EXOC4: variants seen among roughly 807,000 people sequenced by gnomAD.
The protein encoded by EXOC4 is exocyst complex component 4.
In EXOC4, 71 loss-of-function variants were observed where a neutral mutation model predicts 107.2. That is an observed-to-expected ratio of 0.66 (90% CI 0.55 to 0.81). The LOEUF (loss-of-function observed/expected upper bound fraction) is 0.81. EXOC4 is among the 30% of genes least tolerant of loss of function. The probability of loss-of-function intolerance (pLI) is 0.00; values close to 1 mark genes in which losing one functional copy is unlikely to be tolerated. For missense variants in EXOC4, 1,108 were observed against 1,189.6 expected (o/e 0.93, Z 1.01); for synonymous variants, 456 against 441.2 (o/e 1.03, Z -0.42).
chr7:133,584,215 G>A (rs138575163), intron 9 of EXOC4, among the ~76,000 whole-genome samples: 20 of 152,192 alleles, frequency 1.3e-4, no homozygotes, highest in Non-Finnish European at 1.9e-4. Flanking sequence ...TAGCATTCAG[G>A]TTTTAATTGA....
chr7:133,948,449 T>C (rs758762170), intron 14 of EXOC4, among the ~76,000 whole-genome samples: 6 of 152,170 alleles, frequency 3.9e-5, no homozygotes, highest in Non-Finnish European at 8.8e-5. Flanking sequence ...TCTCCATTAC[T>C]TGGTGGGATT....
chr7:134,001,373 A>T (rs958555796), intron 15 of EXOC4, among the ~76,000 whole-genome samples: 2 of 152,180 alleles, frequency 1.3e-5, no homozygotes, highest in Non-Finnish European at 2.9e-5. Context: ...GAATACGTTA[A>T]TGTCAAAGTC....
At chr7:133,986,474 G>A (rs1043513518) in intron 14 of EXOC4, among the ~76,000 whole-genome samples, 14 of 152,150 alleles carry the variant, frequency 9.2e-5, no homozygotes, top group African/African-American at 3.4e-4. Flanking sequence ...TTGGAAAAAG[G>A]GACTCAGGAA....
rs918205218 is a variant in EXOC4 at position 133,820,929 on chromosome 7, G to A, written c.1734+3385G>A. On this transcript the variant is annotated intron_variant, in intron 11 of 17. Coordinates refer to ENST00000253861, the MANE Select transcript of EXOC4 (RefSeq NM_021807.4). ...GATTATTAGAGGCATTTCCATGGGT[G>A]CCAACATGTGTTCTCAGTGATTTCA... Among the ~76,000 whole-genome samples, 7 of 152,288 alleles carry A rather than the reference G, an allele frequency of 4.6e-5. No homozygotes were observed. In the South Asian group the frequency reaches 1.2e-3, roughly 27 times the overall value.
intron 7 of EXOC4, among the ~76,000 whole-genome samples, chr7:133,430,196 A>G (rs1018638869): frequency 5.9e-5 from 9 of 152,126 alleles, no homozygotes; most frequent in Non-Finnish European, 8.8e-5. Context: ...CTCATCTCCA[A>G]CCGTCCCCAG....
intron 9 of EXOC4, among the ~76,000 whole-genome samples, chr7:133,622,057 C>G (rs557751712): frequency 3.3e-5 from 5 of 152,246 alleles, no homozygotes; most frequent in African/African-American, 1.2e-4. Context: ...TCACTGCAAC[C>G]TTGCACTCCT....
At chr7:133,566,093 T>A (rs1800900813) in intron 9 of EXOC4, among the ~76,000 whole-genome samples, 1 of 152,182 alleles carries the variant, frequency 6.6e-6, no homozygotes, top group African/African-American at 2.4e-5. Flanking sequence ...TGTAACTAAG[T>A]GTATTGGCCT....
chr7:133,641,200 T>G (rs920881951), intron 10 of EXOC4, among the ~76,000 whole-genome samples: 2 of 152,200 alleles, frequency 1.3e-5, no homozygotes, highest in Non-Finnish European at 2.9e-5. Context: ...GTTGGGAATT[T>G]ACTTTTATTG....
intron 10 of EXOC4, among the ~76,000 whole-genome samples, chr7:133,787,928 C>G (rs942175650): frequency 8.5e-6 from 1 of 117,362 alleles, no homozygotes. Flanking sequence ...AGGTAGCAAC[C>G]TAGATACTTC....
At chr7:133,763,505 T>C (rs1466445307) in intron 10 of EXOC4, among the ~76,000 whole-genome samples, 1 of 152,138 alleles carries the variant, frequency 6.6e-6, no homozygotes, top group Non-Finnish European at 1.5e-5. Context: ...GGCCAGATTA[T>C]GTAACCTCTT....
chr7:133,527,007 T>C (rs1563097347), intron 9 of EXOC4, among the ~76,000 whole-genome samples: 1 of 151,924 alleles, frequency 6.6e-6, no homozygotes, highest in African/African-American at 2.4e-5. Flanking sequence ...GAAGTAGATA[T>C]AGATGATAAT....
At chr7:133,967,881 C>T (rs987520292) in intron 14 of EXOC4, among the ~76,000 whole-genome samples, 1 of 152,078 alleles carries the variant, frequency 6.6e-6, no homozygotes, top group Non-Finnish European at 1.5e-5. Context: ...TCCTGGATAT[C>T]CTTGTTAATA....
chr7:133,258,207 C>T (rs1364006379), intron 1 of EXOC4, among the ~76,000 whole-genome samples: 4 of 152,168 alleles, frequency 2.6e-5, no homozygotes, highest in Non-Finnish European at 2.9e-5. Context: ...CATATGTGAA[C>T]GTAAGGGGCA....
At chr7:134,051,743 T>C (rs998167422) in intron 17 of EXOC4, among the ~76,000 whole-genome samples, 1 of 148,408 alleles carries the variant, frequency 6.7e-6, no homozygotes, top group Non-Finnish European at 1.5e-5. Flanking sequence ...CCCAGCACTT[T>C]GGAAGGCCAA....
intron 6 of EXOC4, among the ~76,000 whole-genome samples, chr7:133,371,098 G>A (rs1430745410): frequency 2.0e-5 from 3 of 152,250 alleles, no homozygotes; most frequent in Non-Finnish European, 2.9e-5. Flanking sequence ...GAATGTAAAG[G>A]AATCAGCTTT....
chr7:133,506,913 T>C (rs1799677326), intron 9 of EXOC4, among the ~76,000 whole-genome samples: 1 of 152,130 alleles, frequency 6.6e-6, no homozygotes, highest in African/African-American at 2.4e-5. Flanking sequence ...CCTATTTTTA[T>C]TGGACTTTTT....
chr7:133,534,139 T>C (rs1251010526), intron 9 of EXOC4, among the ~76,000 whole-genome samples: 2 of 152,174 alleles, frequency 1.3e-5, no homozygotes, highest in African/African-American at 2.4e-5. Context: ...CCTCTGCCTT[T>C]TGATGTTTTG....
At chr7:133,503,251 G>A (rs1446304748) in intron 9 of EXOC4, among the ~76,000 whole-genome samples, 3 of 152,012 alleles carry the variant, frequency 2.0e-5, no homozygotes, top group Admixed American at 6.6e-5. Flanking sequence ...TAAGGGTGGG[G>A]CTTTTTGTTA....
At chr7:133,275,596 A>G (rs1296641469) in intron 2 of EXOC4, among the ~76,000 whole-genome samples, 2 of 152,182 alleles carry the variant, frequency 1.3e-5, no homozygotes, top group Admixed American at 1.3e-4. Context: ...TCTGAATCTT[A>G]GTGGCTGACC....
Sources: gnomAD v4.1 joint callset for allele counts (sites outside exome capture counted in the v4.1 genomes callset) on GRCh38, gnomAD v4.1.1 for gene constraint, MANE v1.5 for transcripts, NCBI Gene and HGNC (gene_info 2026-07-23, HGNC 2026-07-21) for gene names.